The following AKAP13 variants were observed in gnomAD, a reference collection of about 807,000 sequenced individuals.
The protein encoded by AKAP13 is A-kinase anchoring protein 13.
A neutral mutation model predicts 264.5 loss-of-function variants in AKAP13; 80 were observed. The ratio of observed to expected loss-of-function variants is 0.30; its 90% CI spans 0.25 to 0.36. The LOEUF (loss-of-function observed/expected upper bound fraction) is 0.36, where lower values mean the gene tolerates loss of function less well. Among genes scored for constraint, AKAP13 ranks in the 10% least tolerant of loss-of-function variants. The pLI is 1.00. For missense variants in AKAP13, 3,712 were observed against 3,435.2 expected (o/e 1.08, Z -2.01); for synonymous variants, 1,380 against 1,250.2 (o/e 1.10, Z -2.19).
At chr15:85,634,343 T>C (rs1485105443) in intron 8 of AKAP13, among the ~76,000 whole-genome samples, 5 of 152,230 alleles carry the variant, frequency 3.3e-5, no homozygotes, top group Non-Finnish European at 5.9e-5. Flanking sequence ...ATCAGAAATA[T>C]ATTTTAGAGG....
intron 14 of AKAP13, among the ~76,000 whole-genome samples, chr15:85,672,053 G>A (rs1007086684): frequency 6.6e-6 from 1 of 152,186 alleles, no homozygotes; most frequent in African/African-American, 2.4e-5. Context: ...CGCTATTCTA[G>A]AGGTTCTGAC....
At chr15:85,516,010 T>A (rs956345031) in intron 2 of AKAP13, among the ~76,000 whole-genome samples, 22 of 152,326 alleles carry the variant, frequency 1.4e-4, no homozygotes, top group Non-Finnish European at 2.5e-4. Context: ...ACAACAAAGA[T>A]GTTAAAAATC....
intron 7 of AKAP13, among the ~76,000 whole-genome samples, chr15:85,584,258 GT>G: frequency 6.6e-6 from 1 of 152,344 alleles, no homozygotes; most frequent in African/African-American, 2.4e-5. Flanking sequence ...ATTGACCACA[GT>G]GCTTAGGAAA....
At chr15:85,485,004 A>T (rs1018709951) in intron 1 of AKAP13, among the ~76,000 whole-genome samples, 3 of 152,202 alleles carry the variant, frequency 2.0e-5, no homozygotes, top group African/African-American at 7.2e-5. Flanking sequence ...GGTGTTTGGT[A>T]AAGGACCTAC....
chr15:85,416,873 G>T (rs1313597004), intron 1 of AKAP13, among the ~76,000 whole-genome samples: 1 of 152,094 alleles, frequency 6.6e-6, no homozygotes, highest in Non-Finnish European at 1.5e-5. Flanking sequence ...CACATTTGGG[G>T]TTCTTAAAAT....
chr15:85,485,172 C>T (rs1256396638), intron 1 of AKAP13, among the ~76,000 whole-genome samples: 1 of 152,164 alleles, frequency 6.6e-6, no homozygotes, highest in East Asian at 1.9e-4. Context: ...ACATAACAAT[C>T]AGGGAATCCA....
At chr15:85,439,999 T>C (rs1026086860) in intron 1 of AKAP13, among the ~76,000 whole-genome samples, 1 of 149,506 alleles carries the variant, frequency 6.7e-6, no homozygotes, top group Non-Finnish European at 1.5e-5. Flanking sequence ...TAATAATAAA[T>C]AAAAACCAGG....
At chr15:85,522,454 A>G (rs539681704) in intron 3 of AKAP13, among the ~76,000 whole-genome samples, 16 of 152,218 alleles carry the variant, frequency 1.1e-4, no homozygotes, top group South Asian at 4.1e-4. Context: ...AGTCTGTTCT[A>G]TTGGTGGAGA....
chr15:85,485,765 A>C lies in AKAP13; in HGVS notation c.33+12A>C. ...AAGCTCCCTTATATGTGAGTAAATC[A>C]TGAGATTTCTTATTATTTTGTGTTT... On this transcript the variant is annotated intron_variant, in intron 2 of 36. Transcript: ENST00000394518. 2 of 1,611,626 alleles carry C rather than the reference A, an allele frequency of 1.2e-6. No homozygotes were observed. The highest frequency in any genetic ancestry group is 1.7e-6 in the Non-Finnish European group (2 of 1,177,968).
chr15:85,741,976 T>G (rs980159014), intron 35 of AKAP13, among the ~76,000 whole-genome samples: 1 of 151,692 alleles, frequency 6.6e-6, no homozygotes, highest in Admixed American at 6.6e-5. Flanking sequence ...ACCGGGGAGG[T>G]GGGGATTGCA....
intron 2 of AKAP13, among the ~76,000 whole-genome samples, chr15:85,517,173 T>C (rs1056409783): frequency 6.6e-6 from 1 of 152,172 alleles, no homozygotes; most frequent in Non-Finnish European, 1.5e-5. Context: ...TTCCTTACTA[T>C]CTAAGATGAC....
chr15:85,533,977 C>A (rs1567110702), intron 4 of AKAP13, 97 bp downstream of exon 4: 1 of 1,298,192 alleles, frequency 7.7e-7, no homozygotes. Flanking sequence ...ATATTCAGGT[C>A]TTCCACAGAG....
Position 85,478,007 on chromosome 15 carries a change from A to G in AKAP13, c.-11-7703A>G, listed in dbSNP as rs115913723. ...TCTCCTCCTGTGTCCACTTGGTGGA[A>G]CTTTCCCCATGGTTTGCTTCTTCCA... On this transcript the variant is annotated intron_variant, in intron 1 of 36. Coordinates refer to ENST00000394518, the MANE Select transcript of AKAP13 (RefSeq NM_007200.5). Among the ~76,000 whole-genome samples, 724 of 152,216 alleles carry G rather than the reference A, an allele frequency of 4.8e-3. 5 individuals are homozygous for G. Among genetic ancestry groups the G allele is most frequent in the African/African-American group, 0.016 (676 of 41,530 alleles).
At chr15:85,713,196 G>A (rs1013355532) in intron 19 of AKAP13, among the ~76,000 whole-genome samples, 2 of 152,124 alleles carry the variant, frequency 1.3e-5, no homozygotes, top group Non-Finnish European at 2.9e-5. Context: ...AAGGAAAGCT[G>A]TTATTTTCTT....
At chr15:85,453,877 C>T (rs914781109) in intron 1 of AKAP13, among the ~76,000 whole-genome samples, 2 of 151,772 alleles carry the variant, frequency 1.3e-5, no homozygotes, top group Non-Finnish European at 2.9e-5. Flanking sequence ...GGATTGGGCA[C>T]CTGCTTAAAG....
Position 85,595,440 on chromosome 15 carries a change from C to G in AKAP13, c.4161+9617C>G, listed in dbSNP as rs190879932. The stretch of plus-strand genomic sequence containing the variant: ...TTGAAAGTTAGGTATCCTTTTTGCC[C>G]TCAGCATACCTAGAATCTAGTTAAA... On this transcript the variant is annotated intron_variant, in intron 8 of 36. Coordinates refer to ENST00000394518, the MANE Select transcript of AKAP13 (RefSeq NM_007200.5). 7.9e-5 allele frequency among the ~76,000 whole-genome samples: 12 copies of G among 152,192 alleles called. No individual in the cohort carries two copies. In the East Asian group the frequency reaches 2.3e-3, roughly 29 times the overall value.
At chr15:85,741,001 T>G in intron 34 of AKAP13, 45 bp from the exon 35 acceptor site, 1 of 1,557,814 alleles carries the variant, frequency 6.4e-7, no homozygotes, top group South Asian at 1.2e-5. Flanking sequence ...AAGCTCGCTG[T>G]CGTCCTGGCC....
chr15:85,573,619 A>G (rs986812434), intron 5 of AKAP13, among the ~76,000 whole-genome samples: 14 of 152,170 alleles, frequency 9.2e-5, no homozygotes, highest in African/African-American at 3.1e-4. Flanking sequence ...TTGTAAGGAA[A>G]GGAAAAATAA....
rs2151799065 is a variant in AKAP13, at chr15:85,748,573, A to G, written c.*3896A>G. Reference sequence around the variant, plus strand: ...TCAATGTAGCAAAGCATTCCTAGTTAACCAGAGCCTTGGAATCTACTGCCT... The same window carrying G: ...TCAATGTAGCAAAGCATTCCTAGTTGACCAGAGCCTTGGAATCTACTGCCT... On this transcript the variant is annotated 3_prime_UTR_variant, in exon 37 of 37. Transcript: ENST00000394518. The G allele has an allele frequency of 6.6e-6, 1 of 152,354 alleles. No homozygotes were observed. Among genetic ancestry groups the G allele is most frequent in the African/African-American group, 2.4e-5 (1 of 41,580 alleles). 9.4% of individuals were successfully genotyped at this position (152,354 alleles called of 1,614,324 possible). A position where few individuals can be genotyped will look rare whatever the true frequency, so the allele number is the denominator to read the frequency against.
Sources: allele counts gnomAD v4.1 joint callset (sites outside exome capture counted in the v4.1 genomes callset), GRCh38; gene constraint gnomAD v4.1.1; transcripts MANE v1.5; gene names NCBI Gene and HGNC (gene_info 2026-07-23, HGNC 2026-07-21).